The following SLC60A1 variants were observed in gnomAD, a reference collection of about 807,000 sequenced individuals.
The protein encoded by SLC60A1 is major facilitator superfamily domain containing 4.
At chr1:205,596,838 C>T in the SLC60A1 span, among the ~76,000 whole-genome samples, 4 of 152,278 alleles carry the variant, frequency 2.6e-5, no homozygotes, top group Admixed American at 6.5e-5. Context: ...ATGCCAGGCT[C>T]TTGGCATGTC....
the SLC60A1 span, among the ~76,000 whole-genome samples, chr1:205,579,209 G>A: frequency 8.5e-5 from 13 of 152,298 alleles, no homozygotes; most frequent in African/African-American, 2.2e-4. Context: ...GGTTGTGGGC[G>A]CTGGTGTGGG....
chr1:205,602,408 C>T, the SLC60A1 span: 15 of 152,596 alleles, frequency 9.8e-5, no homozygotes, highest in African/African-American at 3.6e-4. Flanking sequence ...CTTCCAACCT[C>T]ACTTTTCACA....
the SLC60A1 span, chr1:205,583,955 C>G: frequency 6.2e-7 from 1 of 1,612,526 alleles, no homozygotes; most frequent in Non-Finnish European, 8.5e-7. Flanking sequence ...TGCTCCCCAG[C>G]TTCCAGTGCC....
At chr1:205,574,692 T>C in the SLC60A1 span, among the ~76,000 whole-genome samples, 1 of 151,926 alleles carries the variant, frequency 6.6e-6, no homozygotes, top group African/African-American at 2.4e-5. Flanking sequence ...TCTGGGGAGA[T>C]GATATTAAAG....
At chr1:205,588,294 A>C in the SLC60A1 span, among the ~76,000 whole-genome samples, 41 of 151,928 alleles carry the variant, frequency 2.7e-4, no homozygotes, top group Non-Finnish European at 3.4e-4. Flanking sequence ...ACATGGTGAT[A>C]CCCCATCTCT....
chr1:205,581,295 A>G, the SLC60A1 span, among the ~76,000 whole-genome samples: 4 of 152,242 alleles, frequency 2.6e-5, no homozygotes, highest in Admixed American at 6.5e-5. The surrounding 1 kb of genome is among the most constrained non-coding windows in gnomAD (Gnocchi z 4.2). Context: ...CCCTTCATCA[A>G]TGGTGGGATT....
chr1:205,569,153 C>T, the SLC60A1 span: 8 of 1,538,218 alleles, frequency 5.2e-6, no homozygotes, highest in Non-Finnish European at 6.1e-6. Flanking sequence ...TCTTCAGCTT[C>T]GGCCTGTGCA....
the SLC60A1 span, among the ~76,000 whole-genome samples, chr1:205,573,107 C>T: frequency 6.6e-6 from 1 of 152,110 alleles, no homozygotes; most frequent in African/African-American, 2.4e-5. Context: ...CAAAACCAAA[C>T]AAAACAAAAA....
At chr1:205,581,254 C>A in the SLC60A1 span, among the ~76,000 whole-genome samples, 3 of 152,216 alleles carry the variant, frequency 2.0e-5, no homozygotes, top group Non-Finnish European at 4.4e-5. The surrounding 1 kb of genome is among the most constrained non-coding windows in gnomAD (Gnocchi z 4.2). Context: ...TGGACAGACC[C>A]CGGCAGGAAG....
chr1:205,574,884 C>CT, the SLC60A1 span, among the ~76,000 whole-genome samples: 1,348 of 152,328 alleles, frequency 8.8e-3, 34 homozygotes, highest in Admixed American at 0.055. Context: ...ACCTCAGAGT[C>CT]TAACAGGGTG....
the SLC60A1 span, chr1:205,600,352 T>C: frequency 6.5e-7 from 1 of 1,536,504 alleles, no homozygotes; most frequent in Non-Finnish European, 9.0e-7. Flanking sequence ...GAATCATCAC[T>C]GCAACTCATC....
chr1:205,586,141 G>A, the SLC60A1 span: 1 of 1,613,764 alleles, frequency 6.2e-7, no homozygotes, highest in Non-Finnish European at 8.5e-7. Flanking sequence ...TCATCACACT[G>A]GGCCGGCTCC....
chr1:205,585,366 C>T, the SLC60A1 span, among the ~76,000 whole-genome samples: 1 of 152,150 alleles, frequency 6.6e-6, no homozygotes, highest in East Asian at 1.9e-4. The surrounding 1 kb of genome is among the most constrained non-coding windows in gnomAD (Gnocchi z 4.2). Flanking sequence ...GAATACATTA[C>T]AAACCTGGGT....
chr1:205,578,050 C>G, the SLC60A1 span, among the ~76,000 whole-genome samples: 1 of 152,252 alleles, frequency 6.6e-6, no homozygotes, highest in Admixed American at 6.5e-5. Flanking sequence ...CCCCTCAGGA[C>G]TTTGCTGCAG....
At chr1:205,582,641 T>C in the SLC60A1 span, among the ~76,000 whole-genome samples, 5 of 152,222 alleles carry the variant, frequency 3.3e-5, no homozygotes, top group East Asian at 9.7e-4. Flanking sequence ...TACAGGCCTC[T>C]GTGGGTGGGT....
the SLC60A1 span, among the ~76,000 whole-genome samples, chr1:205,585,574 C>A: frequency 6.6e-6 from 1 of 152,204 alleles, no homozygotes; most frequent in African/African-American, 2.4e-5. This position sits in a 1 kb window ranked among gnomAD's most constrained non-coding sequence, Gnocchi z 4.2. Flanking sequence ...ACTTAGATGA[C>A]CTGGTGGAAA....
chr1:205,601,351 T>G, the SLC60A1 span: 1 of 152,160 alleles, frequency 6.6e-6, no homozygotes, highest in South Asian at 2.1e-4. Flanking sequence ...GAAATCAGCC[T>G]GGTGGGAGTA....
the SLC60A1 span, chr1:205,600,719 G>A: frequency 2.1e-6 from 1 of 467,448 alleles, no homozygotes; most frequent in Non-Finnish European, 3.9e-6. Context: ...ACCCAGATGG[G>A]AAGGAAGGAG....
chr1:205,594,051 A>G, the SLC60A1 span, among the ~76,000 whole-genome samples: 4 of 152,198 alleles, frequency 2.6e-5, no homozygotes, highest in Admixed American at 1.3e-4. Flanking sequence ...AACTGAGGGC[A>G]GAAAATGCAT....
Sources: allele counts gnomAD v4.1 joint callset (sites outside exome capture counted in the v4.1 genomes callset), GRCh38; gene constraint gnomAD v4.1.1; non-coding constraint Gnocchi (gnomAD v3.1); transcripts MANE v1.5; gene names NCBI Gene and HGNC (gene_info 2026-07-23, HGNC 2026-07-21).